The following KIAA1549L variants were observed in gnomAD, a reference collection of about 807,000 sequenced individuals.
KIAA1549L encodes the protein UPF0606 protein KIAA1549L.
Under a neutral mutation model 160.7 loss-of-function variants are expected in KIAA1549L, and 88 were observed. The observed-to-expected ratio is 0.55, with a 90% CI of 0.46 to 0.65. The LOEUF is 0.65. Ranked by LOEUF, KIAA1549L falls within the 30% of genes least tolerant of loss-of-function variation. The pLI, the probability that KIAA1549L is intolerant of heterozygous loss-of-function variation, is 0.00. For missense variants in KIAA1549L, 2,258 were observed against 2,437.5 expected (o/e 0.93, Z 1.55); for synonymous variants, 950 against 976.7 (o/e 0.97, Z 0.51).
At chr11:33,659,067 A>G (rs2295064) in intron 19 of KIAA1549L, among the ~76,000 whole-genome samples, 169 bp downstream of exon 19, 42,852 of 151,966 alleles carry the variant, frequency 0.28, 6,152 homozygotes, top group South Asian at 0.37. Context: ...AGAGCTGCTG[A>G]TTTTCTTTCT....
chr11:33,609,818 A>G lies in KIAA1549L; in HGVS notation c.5131A>G (p.Arg1711Gly), dbSNP rs758226018. 1 of 1,613,870 alleles carries G rather than the reference A, an allele frequency of 6.2e-7. No individual in the cohort carries two copies. The highest frequency in any genetic ancestry group is 8.5e-7 in the Non-Finnish European group (1 of 1,179,824). ...YRNKLRLKAKRKGYYDFPAVE... is the reference protein window; with the variant it reads ...YRNKLRLKAKGKGYYDFPAVE... ...GAACAAGCTGCGCCTCAAAGCCAAG[A>G]GGAAGGGATATTACGACTTCCCTGC... is the stretch of plus-strand genomic sequence containing the variant. The change falls in exon 15 of 21, where the codon AGG (arginine) becomes GGG (glycine). Residue 1711 changes from arginine to glycine, a missense_variant. Around this residue, in one of 6 missense-constraint regions of KIAA1549L, gnomAD observed 1,359 missense variants for 1,546.6 expected, o/e 0.88. Coordinates refer to ENST00000658780, the MANE Select transcript of KIAA1549L (RefSeq NM_012194.3).
intron 1 of KIAA1549L, among the ~76,000 whole-genome samples, chr11:33,428,135 G>A (rs1851158225): frequency 6.6e-6 from 1 of 152,176 alleles, no homozygotes; most frequent in Admixed American, 6.5e-5. Context: ...GCATACCTAG[G>A]GGTGGAATTG....
At chr11:33,572,665 C>A in intron 9 of KIAA1549L, among the ~76,000 whole-genome samples, 1 of 152,198 alleles carries the variant, frequency 6.6e-6, no homozygotes, top group Non-Finnish European at 1.5e-5. Flanking sequence ...GAATAATATT[C>A]TCTTATATGA....
intron 1 of KIAA1549L, among the ~76,000 whole-genome samples, chr11:33,439,699 C>T (rs571859452): frequency 1.4e-3 from 212 of 151,892 alleles, no homozygotes; most frequent in Non-Finnish European, 2.5e-3. Flanking sequence ...CCACCGTGCC[C>T]GGCTGAGTAT....
At chr11:33,484,197 G>A (rs1288539108) in intron 1 of KIAA1549L, among the ~76,000 whole-genome samples, 6 of 152,142 alleles carry the variant, frequency 3.9e-5, no homozygotes, top group African/African-American at 7.2e-5. Context: ...TTCAAGTTTA[G>A]AAACCTGATG....
intron 1 of KIAA1549L, among the ~76,000 whole-genome samples, chr11:33,394,625 C>T (rs1850337537): frequency 6.6e-6 from 1 of 152,146 alleles, no homozygotes; most frequent in South Asian, 2.1e-4. Flanking sequence ...TGTCACGGCT[C>T]CTGTTTGTCC....
intron 1 of KIAA1549L, among the ~76,000 whole-genome samples, chr11:33,437,302 CT>C (rs1372479592): frequency 6.6e-6 from 1 of 152,064 alleles, no homozygotes; most frequent in Non-Finnish European, 1.5e-5. Context: ...GAAAAAAGGG[CT>C]TTTACTTCCT....
Position 33,433,680 on chromosome 11 carries a change from G to A in KIAA1549L, c.238+56791G>A, listed in dbSNP as rs147339197. ...CACTATTTACAATAGCAAAGACATGGAACCAACCCAAATGCCCATCAATTA... is the reference window on the plus strand; with the variant it reads ...CACTATTTACAATAGCAAAGACATGAAACCAACCCAAATGCCCATCAATTA... On this transcript the variant is annotated intron_variant, in intron 1 of 20. Coordinates refer to ENST00000658780, the MANE Select transcript of KIAA1549L (RefSeq NM_012194.3). Among the ~76,000 whole-genome samples, 1,334 of 152,104 alleles carry A rather than the reference G, an allele frequency of 8.8e-3. 18 individuals are homozygous for A. The highest frequency in any genetic ancestry group is 0.031 in the African/African-American group (1,272 of 41,516).
intron 1 of KIAA1549L, among the ~76,000 whole-genome samples, chr11:33,380,746 A>G (rs1488889153): frequency 6.6e-6 from 1 of 152,130 alleles, no homozygotes; most frequent in Non-Finnish European, 1.5e-5. Context: ...GCGCATATGT[A>G]TTTAGAATAC....
chr11:33,577,790 C>A (rs1590361567), intron 10 of KIAA1549L, among the ~76,000 whole-genome samples: 2 of 152,138 alleles, frequency 1.3e-5, no homozygotes, highest in Admixed American at 1.3e-4. Context: ...CACACCACTT[C>A]TTCTCTTTTT....
intron 1 of KIAA1549L, among the ~76,000 whole-genome samples, chr11:33,471,213 A>G (rs1852170974): frequency 6.8e-6 from 1 of 146,566 alleles, no homozygotes; most frequent in Admixed American, 6.8e-5. Flanking sequence ...GGCCCATCTC[A>G]GAACCTTTTT....
At chr11:33,498,878 C>T (rs898410154) in intron 1 of KIAA1549L, among the ~76,000 whole-genome samples, 1 of 152,122 alleles carries the variant, frequency 6.6e-6, no homozygotes. Flanking sequence ...GATCATTGCT[C>T]TGGTCCCTAG....
At chr11:33,385,247 C>T (rs967948283) in intron 1 of KIAA1549L, among the ~76,000 whole-genome samples, 33 of 152,252 alleles carry the variant, frequency 2.2e-4, no homozygotes, top group African/African-American at 7.7e-4. Context: ...ATCTTGGCAC[C>T]ATATATGTCT....
In KIAA1549L at chr11:33,583,408, G is replaced by A. The variant is rs2273116; in HGVS notation, c.4473G>A (p.Thr1491=). Residue 1491 remains threonine, a synonymous_variant, in exon 11 of 21, where the codon ACG becomes ACA. Transcript: ENST00000658780. ...AAVLAPIAVV[T]VIIIIITAVL... is the part of the protein sequence containing the mutation. ...TGCTGGCGCCCATTGCCGTGGTCAC[G>A]GTCATCATCATCATCATCACTGCCG... 130 of 1,602,338 alleles carry A rather than the reference G, an allele frequency of 8.1e-5. No individual in the cohort carries two copies. In the East Asian group the frequency reaches 2.6e-3, roughly 33 times the overall value.
At chr11:33,515,952 A>G (rs2756289) in intron 1 of KIAA1549L, among the ~76,000 whole-genome samples, 66,692 of 151,904 alleles carry the variant, frequency 0.44, 14,955 homozygotes, top group Middle Eastern at 0.55. Flanking sequence ...ATGCTAGAAG[A>G]AACCTCAGAG....
chr11:33,606,103 C>T lies in KIAA1549L; in HGVS notation c.4880-538C>T, dbSNP rs148573575. The stretch of plus-strand genomic sequence containing the variant: ...GACAAATAAACCAAAACCCAAATCA[C>T]TGGGGAAACAACCTTCAGAAGAGGA... On this transcript the variant is annotated intron_variant, in intron 13 of 20. Coordinates refer to ENST00000658780, the MANE Select transcript of KIAA1549L (RefSeq NM_012194.3). 1.3e-3 allele frequency among the ~76,000 whole-genome samples: 198 copies of T among 151,230 alleles called. 1 individual carries two copies. Among genetic ancestry groups the T allele is most frequent in the African/African-American group, 4.7e-3 (194 of 41,402 alleles).
At chr11:33,602,685 C>T (rs921393738) in intron 13 of KIAA1549L, among the ~76,000 whole-genome samples, 5 of 152,208 alleles carry the variant, frequency 3.3e-5, no homozygotes, top group Non-Finnish European at 7.3e-5. Flanking sequence ...TTCACTGTGG[C>T]CCCTTAAGCA....
In KIAA1549L at chr11:33,547,886, G is replaced by A; in HGVS notation, c.3501+7G>A. ...GAACGATGTCTCAGCTCACGTAAGT[G>A]CTTTGCTTTGTAACCAAGCTAATCC... On this transcript the variant is annotated splice_region_variant and intron_variant, in intron 4 of 20. Transcript: ENST00000658780. The A allele has an allele frequency of 1.3e-6, 2 of 1,579,816 alleles. No homozygotes were observed. The highest frequency in any genetic ancestry group is 1.7e-6 in the Non-Finnish European group (2 of 1,150,202).
At chr11:33,396,172 G>A (rs1353299525) in intron 1 of KIAA1549L, among the ~76,000 whole-genome samples, 1 of 152,106 alleles carries the variant, frequency 6.6e-6, no homozygotes, top group African/African-American at 2.4e-5. Flanking sequence ...CGGGCAGCAG[G>A]AAGTGAATTA....
Sources: allele counts gnomAD v4.1 joint callset (sites outside exome capture counted in the v4.1 genomes callset), GRCh38; gene constraint gnomAD v4.1.1; regional missense constraint gnomAD v4.1.1; transcripts MANE v1.5; gene names NCBI Gene and HGNC (gene_info 2026-07-23, HGNC 2026-07-21).